Variants in INTS7 observed in about 807,000 individuals in gnomAD.
INTS7 encodes chromosome 1 open reading frame 73.
INTS7 carries 46 observed loss-of-function variants against 109.2 expected under a neutral mutation model. That is an observed-to-expected ratio of 0.42 (90% CI 0.33 to 0.54). INTS7 has a LOEUF of 0.54. Among genes scored for constraint, INTS7 ranks in the 20% least tolerant of loss-of-function variants. The pLI is 0.07. For missense variants in INTS7, 929 were observed against 1,132.4 expected, an observed-to-expected ratio of 0.82 and a Z score of 2.58; for synonymous variants, 412 against 402.9, an observed-to-expected ratio of 1.02 and a Z score of -0.27.
chr1:211,996,419 C>T (rs1665391569), intron 7 of INTS7, among the ~76,000 whole-genome samples: 1 of 151,850 alleles, frequency 6.6e-6, no homozygotes, highest in South Asian at 2.1e-4. Context: ...AAAACTCCAT[C>T]TCAAAAACAA....
At chr1:211,949,434 T>G (rs1662992035) in intron 17 of INTS7, among the ~76,000 whole-genome samples, 1 of 152,218 alleles carries the variant, frequency 6.6e-6, no homozygotes, top group Admixed American at 6.5e-5. Context: ...GTTGTGTAAC[T>G]GATCATTCAA....
At chr1:211,995,017 T>G (rs1665319300) in intron 7 of INTS7, among the ~76,000 whole-genome samples, 1 of 151,984 alleles carries the variant, frequency 6.6e-6, no homozygotes, top group Non-Finnish European at 1.5e-5. Context: ...GCAATTAGAT[T>G]CCAGATTACT....
At position 211,982,575 on chromosome 1, in the gene INTS7, G is replaced by T; in HGVS notation, c.1132+101C>A. The stretch of plus-strand genomic sequence containing the variant: ...GAAAGGAGTCAATTTGTAGATCAAG[G>T]CACACAGGCTAAAAATAAGGGATTA... On this transcript the variant is annotated intron_variant, in intron 9 of 19. Transcript: ENST00000366994. The T allele has an allele frequency of 7.2e-6, 6 of 831,146 alleles. No individual in the cohort carries two copies. The Admixed American group carries it at 1.1e-4, about 15-fold the overall frequency. 51.5% of individuals were successfully genotyped at this position (831,146 alleles called of 1,614,324 possible). A position where few individuals can be genotyped will look rare whatever the true frequency, so the allele number is the denominator to read the frequency against.
intron 16 of INTS7, among the ~76,000 whole-genome samples, chr1:211,961,390 A>T (rs1291204329): frequency 6.6e-6 from 1 of 151,740 alleles, no homozygotes; most frequent in Non-Finnish European, 1.5e-5. Flanking sequence ...TTGAGCAGAA[A>T]CCCTACAAGC....
intron 16 of INTS7, among the ~76,000 whole-genome samples, chr1:211,956,400 T>C (rs192809618): frequency 4.6e-5 from 7 of 152,346 alleles, no homozygotes; most frequent in Admixed American, 4.6e-4. Context: ...ATTCCTGGGA[T>C]AAACCCTATT....
chr1:211,965,847 C>A (rs187797983), intron 16 of INTS7, among the ~76,000 whole-genome samples: 1 of 152,104 alleles, frequency 6.6e-6, no homozygotes, highest in African/African-American at 2.4e-5. Flanking sequence ...GGGTACTAAG[C>A]CTAAAATCTG....
chr1:212,006,808 G>A (rs1665933789), intron 6 of INTS7, 47 bp from the exon 7 acceptor site: 2 of 1,481,196 alleles, frequency 1.4e-6, no homozygotes, highest in Non-Finnish European at 9.2e-7. Flanking sequence ...TAACTGAAAT[G>A]ATCATTAGAA....
At chr1:211,964,847 A>G (rs1205545311) in intron 16 of INTS7, among the ~76,000 whole-genome samples, 2 of 152,122 alleles carry the variant, frequency 1.3e-5, no homozygotes, top group Non-Finnish European at 2.9e-5. Flanking sequence ...TTAAATGTAA[A>G]ACCCAAAATG....
chr1:212,009,753 G>A (rs115375091), intron 5 of INTS7, among the ~76,000 whole-genome samples: 3,965 of 152,244 alleles, frequency 0.026, 58 homozygotes, highest in African/African-American at 0.046. Context: ...CTTGTCTGAT[G>A]CAGCAGGCAC....
Position 212,030,490 on chromosome 1 carries a change from T to C in INTS7, c.94+4854A>G, listed in dbSNP as rs1394015207. 3.3e-5 allele frequency among the ~76,000 whole-genome samples: 5 copies of C among 152,082 alleles called. No homozygotes were observed. The South Asian group carries it at 6.2e-4, about 19-fold the overall frequency. ...TTTTAGTACAGATGGGATTTCACCATCTTGGGCAGGCTGGTCTCGAACTCC... is the reference window on the plus strand; with the variant it reads ...TTTTAGTACAGATGGGATTTCACCACCTTGGGCAGGCTGGTCTCGAACTCC... On this transcript the variant is annotated intron_variant, in intron 1 of 19. Transcript: ENST00000366994.
intron 1 of INTS7, among the ~76,000 whole-genome samples, chr1:212,023,061 T>C (rs569921019): frequency 1.3e-5 from 2 of 152,334 alleles, no homozygotes; most frequent in African/African-American, 2.4e-5. Flanking sequence ...GCTGCATCCA[T>C]GTTGCTGCAA....
chr1:211,945,743 C>T (rs1439502037), intron 18 of INTS7, among the ~76,000 whole-genome samples: 1 of 152,152 alleles, frequency 6.6e-6, no homozygotes, highest in African/African-American at 2.4e-5. Context: ...AGGGATAATC[C>T]AGGAGATCTC....
rs375539001 is a variant in INTS7 at position 211,978,833 on chromosome 1, A to C, written c.1231-322T>G. Reference sequence around the variant, plus strand: ...GGCCAAATGTCACCATCACTGTATTATCATTACTTTTCAGGAACTGCTTCT... The same window carrying C: ...GGCCAAATGTCACCATCACTGTATTCTCATTACTTTTCAGGAACTGCTTCT... On this transcript the variant is annotated intron_variant, in intron 10 of 19. Transcript: ENST00000366994. 3.7e-4 allele frequency among the ~76,000 whole-genome samples: 56 copies of C among 152,324 alleles called. 2 individuals carry two copies. The South Asian group carries it at 0.011, about 30-fold the overall frequency.
intron 1 of INTS7, among the ~76,000 whole-genome samples, chr1:212,033,471 A>G (rs1186364568): frequency 6.6e-6 from 1 of 152,230 alleles, no homozygotes; most frequent in Non-Finnish European, 1.5e-5. Context: ...TCTGTGTCTA[A>G]GATTGACACC....
intron 7 of INTS7, among the ~76,000 whole-genome samples, chr1:211,996,722 T>C (rs541548162): frequency 3.0e-4 from 45 of 152,300 alleles, no homozygotes; most frequent in African/African-American, 9.6e-4. Context: ...ATTTGTATGC[T>C]GAACTAAAAA....
At position 212,006,621 on chromosome 1, in the gene INTS7, G is replaced by A; in HGVS notation, c.879+18C>T. The A allele has an allele frequency of 7.3e-7, 1 of 1,362,102 alleles. No homozygotes were observed. Among genetic ancestry groups the A allele is most frequent in the African/African-American group, 1.5e-5 (1 of 68,366 alleles). 84.4% of individuals were successfully genotyped at this position (1,362,102 alleles called of 1,614,324 possible). The stretch of plus-strand genomic sequence containing the variant: ...TTATATTATTTTTTCTATATAAAAT[G>A]TTACAAGTTCTACATACCTGAATAT... On this transcript the variant is annotated intron_variant, in intron 7 of 19. Coordinates refer to ENST00000366994, the MANE Select transcript of INTS7 (RefSeq NM_015434.4).
chr1:212,020,690 A>T (rs1410515727), intron 2 of INTS7: 2 of 993,654 alleles, frequency 2.0e-6, no homozygotes, highest in Non-Finnish European at 2.4e-6. Context: ...TCGGGGGAGA[A>T]AAAGCAAATA....
chr1:212,007,235 G>C lies in INTS7; in HGVS notation c.756+15C>G. 1 of 1,589,546 alleles carries C rather than the reference G, an allele frequency of 6.3e-7. No homozygotes were observed. The highest frequency in any genetic ancestry group is 8.6e-7 in the Non-Finnish European group (1 of 1,158,866). ...GTTTACCAAAGATAGGCAGTTTAAA[G>C]AAAATTGAAATTACCTGCTTAGGTG... On this transcript the variant is annotated intron_variant, in intron 6 of 19. Coordinates refer to ENST00000366994, the MANE Select transcript of INTS7 (RefSeq NM_015434.4).
intron 7 of INTS7, among the ~76,000 whole-genome samples, chr1:211,998,180 C>CTCCTAAACTCCTCA (rs1218127490): frequency 2.0e-5 from 3 of 152,126 alleles, no homozygotes; most frequent in Non-Finnish European, 4.4e-5. Flanking sequence ...GCCAAGGCTA[C>CTCCTAAACTCCTCA]TCCTAAACTC....
Sources: gnomAD v4.1 joint callset for allele counts (sites outside exome capture counted in the v4.1 genomes callset) on GRCh38, gnomAD v4.1.1 for gene constraint, MANE v1.5 for transcripts, NCBI Gene and HGNC (gene_info 2026-07-23, HGNC 2026-07-21) for gene names.